The following MAF variants were observed in gnomAD, a reference collection of about 807,000 sequenced individuals.
MAF encodes the protein MAF bZIP transcription factor, also known as transcription factor Maf.
MAF carries 10 observed loss-of-function variants against 22.0 expected under a neutral mutation model. The ratio of observed to expected loss-of-function variants is 0.45; its 90% confidence interval spans 0.28 to 0.77. MAF has a LOEUF of 0.77. Among genes scored for constraint, MAF ranks in the 30% least tolerant of loss-of-function variants. The pLI, the probability that MAF is intolerant of heterozygous loss-of-function variation, is 0.12. For synonymous variants in MAF, 337 were observed against 255.8 expected, an observed-to-expected ratio of 1.32 and a Z score of -3.03; for missense variants, 544 against 548.4, an observed-to-expected ratio of 0.99 and a Z score of 0.08.
chr16:79,470,262 A>G, the MAF span, among the ~76,000 whole-genome samples: 2 of 152,160 alleles, frequency 1.3e-5, no homozygotes, highest in Admixed American at 1.3e-4. Context: ...CTGAACCCCA[A>G]CACTTGCCCT....
At chr16:79,388,250 C>T in the MAF span, among the ~76,000 whole-genome samples, 1,610 of 110,288 alleles carry the variant, frequency 0.015, 23 homozygotes, top group African/African-American at 0.054. Context: ...ATGTGGCCCG[C>T]GGATAAATAG....
At chr16:79,270,132 G>A in the MAF span, among the ~76,000 whole-genome samples, 1 of 152,026 alleles carries the variant, frequency 6.6e-6, no homozygotes, top group African/African-American at 2.4e-5. Context: ...TAGAAGATCA[G>A]GGAATAGGCA....
chr16:79,396,316 G>A, the MAF span, among the ~76,000 whole-genome samples: 2 of 152,106 alleles, frequency 1.3e-5, no homozygotes, highest in African/African-American at 2.4e-5. Context: ...AAACACATAG[G>A]TTTAACTGGA....
the MAF span, among the ~76,000 whole-genome samples, chr16:79,393,264 G>A: frequency 1.4e-5 from 2 of 146,638 alleles, no homozygotes; most frequent in Non-Finnish European, 2.9e-5. Flanking sequence ...CTACAGACTG[G>A]ATTCCAAAGG....
chr16:79,269,575 C>T, the MAF span, among the ~76,000 whole-genome samples: 3 of 152,216 alleles, frequency 2.0e-5, no homozygotes, highest in South Asian at 6.2e-4. Flanking sequence ...TGAGGTTCCC[C>T]TTGCAGAAAT....
chr16:79,273,791 C>G, the MAF span, among the ~76,000 whole-genome samples: 2 of 152,100 alleles, frequency 1.3e-5, no homozygotes, highest in East Asian at 3.9e-4. Flanking sequence ...AAATTTAATT[C>G]CATCTGTATC....
At chr16:79,281,796 C>T in the MAF span, among the ~76,000 whole-genome samples, 2 of 152,142 alleles carry the variant, frequency 1.3e-5, no homozygotes, top group Non-Finnish European at 2.9e-5. Flanking sequence ...CTGCCTGCCT[C>T]AGCCTCCTAA....
chr16:79,589,467 T>G (rs1222876174), downstream of MAF, among the ~76,000 whole-genome samples: 1 of 151,938 alleles, frequency 6.6e-6, no homozygotes, highest in East Asian at 1.9e-4. Flanking sequence ...CCTCTTACTC[T>G]GTCTCTAACC....
the MAF span, among the ~76,000 whole-genome samples, chr16:79,337,582 A>ACAAAACAAAT: frequency 6.6e-6 from 1 of 151,432 alleles, no homozygotes; most frequent in Non-Finnish European, 1.5e-5. Context: ...ACAAAACAAA[A>ACAAAACAAAT]CACAAAGACA....
At chr16:79,469,546 A>G in the MAF span, among the ~76,000 whole-genome samples, 4 of 152,220 alleles carry the variant, frequency 2.6e-5, no homozygotes, top group African/African-American at 7.2e-5. Flanking sequence ...TGGTCATTGC[A>G]GAGCTAGGTA....
the MAF span, among the ~76,000 whole-genome samples, chr16:79,417,509 G>C: frequency 8.5e-5 from 13 of 152,274 alleles, no homozygotes; most frequent in Admixed American, 4.6e-4. Flanking sequence ...GTTATTATGG[G>C]CTGGCGGACT....
chr16:79,352,657 G>T, the MAF span, among the ~76,000 whole-genome samples: 1 of 152,160 alleles, frequency 6.6e-6, no homozygotes, highest in African/African-American at 2.4e-5. Flanking sequence ...AAAAGTAGAG[G>T]CAGATAGAAC....
the MAF span, among the ~76,000 whole-genome samples, chr16:79,347,159 T>TGCA: frequency 6.6e-6 from 1 of 152,236 alleles, no homozygotes; most frequent in African/African-American, 2.4e-5. Context: ...CTAAAATCTG[T>TGCA]GCAGCCACAC....
the MAF span, among the ~76,000 whole-genome samples, chr16:79,521,925 A>G: frequency 6.6e-6 from 1 of 152,228 alleles, no homozygotes; most frequent in Non-Finnish European, 1.5e-5. Flanking sequence ...CTGGGGAAAT[A>G]AAGATAAATA....
the MAF span, among the ~76,000 whole-genome samples, chr16:79,549,973 T>C: frequency 2.0e-5 from 3 of 152,102 alleles, no homozygotes; most frequent in Admixed American, 1.3e-4. Context: ...ACAAAGACAA[T>C]CTATCTAGCC....
At chr16:79,563,135 T>C in the MAF span, among the ~76,000 whole-genome samples, 1 of 152,146 alleles carries the variant, frequency 6.6e-6, no homozygotes, top group African/African-American at 2.4e-5. Flanking sequence ...GGCTGAAGGC[T>C]GTACCCATAA....
the MAF span, among the ~76,000 whole-genome samples, chr16:79,481,670 A>T: frequency 6.6e-6 from 1 of 151,978 alleles, no homozygotes; most frequent in Non-Finnish European, 1.5e-5. Flanking sequence ...CTATGCATTC[A>T]TCCACCAATT....
the MAF span, among the ~76,000 whole-genome samples, chr16:79,505,959 G>T: frequency 2.6e-5 from 4 of 151,806 alleles, no homozygotes; most frequent in African/African-American, 9.7e-5. Flanking sequence ...GAGAAAGAAA[G>T]AAAGAAAATA....
chr16:79,355,032 T>A, the MAF span, among the ~76,000 whole-genome samples: 4 of 150,650 alleles, frequency 2.7e-5, no homozygotes, highest in Non-Finnish European at 5.9e-5. Flanking sequence ...AAACCCAAGT[T>A]GGCTCAAATG....
Sources: allele counts gnomAD v4.1 joint callset (sites outside exome capture counted in the v4.1 genomes callset), GRCh38; gene constraint gnomAD v4.1.1; transcripts MANE v1.5; gene names NCBI Gene and HGNC (gene_info 2026-07-23, HGNC 2026-07-21).